The following KAT2B variants were observed in gnomAD, a reference collection of about 807,000 sequenced individuals.
KAT2B encodes histone acetyltransferase KAT2B.
Under a neutral mutation model 105.9 loss-of-function variants are expected in KAT2B, and 36 were observed. The ratio of observed to expected loss-of-function variants is 0.34; its 90% CI spans 0.26 to 0.45. The LOEUF (loss-of-function observed/expected upper bound fraction) is 0.45, where lower values mean the gene tolerates loss of function less well. Among genes scored for constraint, KAT2B ranks in the 20% least tolerant of loss-of-function variants. The pLI is 1.00. For synonymous variants in KAT2B, 397 were observed against 377.9 expected, an observed-to-expected ratio of 1.05 and a Z score of -0.59; for missense variants, 820 against 1,021.6, an observed-to-expected ratio of 0.80 and a Z score of 2.69.
intron 2 of KAT2B, among the ~76,000 whole-genome samples, chr3:20,073,961 AAC>A (rs1446341740): frequency 6.6e-6 from 1 of 152,222 alleles, no homozygotes; most frequent in African/African-American, 2.4e-5. Context: ...TAAGCACGTA[AAC>A]ACACATGAAT....
At position 20,048,067 on chromosome 3, in the gene KAT2B, G is replaced by A. The variant is rs528022648; in HGVS notation, c.303+7287G>A. Among the ~76,000 whole-genome samples, 12 of 152,296 alleles carry A rather than the reference G, an allele frequency of 7.9e-5. No individual in the cohort carries two copies. In the South Asian group the frequency reaches 2.5e-3, roughly 32 times the overall value. On this transcript the variant is annotated intron_variant, in intron 1 of 17. Coordinates refer to ENST00000263754, the MANE Select transcript of KAT2B (RefSeq NM_003884.5). ...CATGGAGGGAGGTGGATAAGATGTT[G>A]TTTTAAAAGATCAGTCTTTAGCCAC...
rs373545712 is a variant in KAT2B, at chr3:20,108,044, C to T, written c.852-3552C>T. On this transcript the variant is annotated intron_variant, in intron 5 of 17. Coordinates refer to ENST00000263754, the MANE Select transcript of KAT2B (RefSeq NM_003884.5). ...AGGCTGGTCTTGAATTCTTGACCTCCGGTAATCCACCTGCCTCAACTTCCC... is the reference window on the plus strand; with the variant it reads ...AGGCTGGTCTTGAATTCTTGACCTCTGGTAATCCACCTGCCTCAACTTCCC... 3.3e-3 allele frequency among the ~76,000 whole-genome samples: 503 copies of T among 151,966 alleles called. 4 individuals carry two copies. The highest frequency in any genetic ancestry group is 0.012 in the African/African-American group (487 of 41,448).
Position 20,128,495 on chromosome 3 carries a change from TG to T in KAT2B, c.1749+947del, listed in dbSNP as rs3840189. 3.9e-5 allele frequency among the ~76,000 whole-genome samples: 6 copies of T among 152,204 alleles called. No individual in the cohort carries two copies. In the East Asian group the frequency reaches 9.7e-4, roughly 25 times the overall value. Reference sequence around the variant, plus strand: ...GTTGGAGTGTCTTTTTGTTTTGTTTTGTTTTTTTTTGTTGCTAATTTATCTT... The same window carrying T: ...GTTGGAGTGTCTTTTTGTTTTGTTTTTTTTTTTTTGTTGCTAATTTATCTT... On this transcript the variant is annotated intron_variant, in intron 11 of 17. Coordinates refer to ENST00000263754, the MANE Select transcript of KAT2B (RefSeq NM_003884.5).
chr3:20,081,887 A>C (rs1268830194), intron 2 of KAT2B, among the ~76,000 whole-genome samples: 1 of 148,008 alleles, frequency 6.8e-6, no homozygotes, highest in Non-Finnish European at 1.5e-5. Context: ...TCATATATAT[A>C]TATGTATAAA....
At chr3:20,107,677 A>G (rs1257946312) in intron 5 of KAT2B, among the ~76,000 whole-genome samples, 1 of 150,566 alleles carries the variant, frequency 6.6e-6, no homozygotes, top group Non-Finnish European at 1.5e-5. Flanking sequence ...AAAAAACCAC[A>G]AAAACAAAAA....
At chr3:20,064,998 C>T (rs1559515595) in intron 1 of KAT2B, among the ~76,000 whole-genome samples, 1 of 152,204 alleles carries the variant, frequency 6.6e-6, no homozygotes, top group Non-Finnish European at 1.5e-5. Flanking sequence ...CTCTCCACCC[C>T]TTGTCTGTCT....
chr3:20,132,905 A>G (rs1460313086), intron 11 of KAT2B, among the ~76,000 whole-genome samples: 4 of 152,232 alleles, frequency 2.6e-5, no homozygotes, highest in Non-Finnish European at 5.9e-5. Context: ...TCTCTCTTGC[A>G]TCGACATCCG....
At chr3:20,097,199 A>G (rs1332088692) in intron 3 of KAT2B, among the ~76,000 whole-genome samples, 4 of 152,150 alleles carry the variant, frequency 2.6e-5, no homozygotes. Context: ...TTTGTCTTGG[A>G]ACTGTGCTCC....
chr3:20,071,617 A>T (rs1698324609), intron 1 of KAT2B, among the ~76,000 whole-genome samples: 1 of 152,144 alleles, frequency 6.6e-6, no homozygotes, highest in Non-Finnish European at 1.5e-5. Context: ...CATCATGTTC[A>T]CTCTTGGCTA....
At chr3:20,067,765 C>T (rs957461231) in intron 1 of KAT2B, among the ~76,000 whole-genome samples, 1 of 151,692 alleles carries the variant, frequency 6.6e-6, no homozygotes, top group East Asian at 1.9e-4. Context: ...ACCTCTGCCT[C>T]CCAGGTTCAA....
In KAT2B at chr3:20,125,888, T is replaced by G. The variant is rs778429289; in HGVS notation, c.1414-17T>G. On this transcript the variant is annotated splice_polypyrimidine_tract_variant and intron_variant, in intron 9 of 17. Coordinates refer to ENST00000263754, the MANE Select transcript of KAT2B (RefSeq NM_003884.5). Reference sequence around the variant, plus strand: ...AGAATAGCTCTGTGTAATTTTTTCCTGTCTCTTGCATCTCAGACCAATTTT... The same window carrying G: ...AGAATAGCTCTGTGTAATTTTTTCCGGTCTCTTGCATCTCAGACCAATTTT... The G allele has an allele frequency of 1.9e-6, 3 of 1,610,146 alleles. No individual in the cohort carries two copies. Among genetic ancestry groups the G allele is most frequent in the Non-Finnish European group, 2.5e-6 (3 of 1,177,668 alleles).
At chr3:20,098,964 A>T (rs1312588804) in intron 3 of KAT2B, among the ~76,000 whole-genome samples, 3 of 152,212 alleles carry the variant, frequency 2.0e-5, no homozygotes, top group Non-Finnish European at 2.9e-5. Context: ...TTTCTACTGA[A>T]AAGGCAGTAA....
At chr3:20,065,950 G>C (rs1169122023) in intron 1 of KAT2B, among the ~76,000 whole-genome samples, 1 of 152,088 alleles carries the variant, frequency 6.6e-6, no homozygotes, top group Non-Finnish European at 1.5e-5. Context: ...CTGTGTATTA[G>C]TTTCTTAGGC....
At chr3:20,127,590 G>T in intron 11 of KAT2B, 41 bp downstream of exon 11, 1 of 1,594,910 alleles carries the variant, frequency 6.3e-7, no homozygotes, top group Non-Finnish European at 8.6e-7. Flanking sequence ...AGCAGAATGT[G>T]GGGCTTCTCA....
Position 20,125,907 on chromosome 3 carries a change from C to G in KAT2B, c.1416C>G (p.Thr472=). 1 of 1,613,304 alleles carries G rather than the reference C, an allele frequency of 6.2e-7. No individual in the cohort carries two copies. The highest frequency in any genetic ancestry group is 8.5e-7 in the Non-Finnish European group (1 of 1,179,878). The change falls in exon 10 of 18, where the codon ACC becomes ACG. Residue 472 remains threonine, a splice_region_variant and synonymous_variant. Coordinates refer to ENST00000263754, the MANE Select transcript of KAT2B (RefSeq NM_003884.5). ...TTTTCCTGTCTCTTGCATCTCAGAC[C>G]AATTTTCTGTCAGCACACTCGGCCA... ...TDPAAMLGPE[T]NFLSAHSARD... is the part of the protein sequence containing the mutation.
chr3:20,075,654 A>G (rs546666371), intron 2 of KAT2B, among the ~76,000 whole-genome samples: 1 of 152,250 alleles, frequency 6.6e-6, no homozygotes, highest in Admixed American at 6.5e-5. Flanking sequence ...GGTTTAATAT[A>G]AAGGATACAC....
chr3:20,048,537 C>T (rs1234752942), intron 1 of KAT2B, among the ~76,000 whole-genome samples: 1 of 152,182 alleles, frequency 6.6e-6, no homozygotes, highest in Non-Finnish European at 1.5e-5. Flanking sequence ...TCTGATCCAT[C>T]ATGGTGACTA....
In KAT2B at chr3:20,143,830, T is replaced by C. The variant is rs148610011; in HGVS notation, c.2005-2486T>C. Among the ~76,000 whole-genome samples the C allele has an allele frequency of 1.7e-3, 252 of 152,234 alleles. 2 individuals are homozygous for C. The highest frequency in any genetic ancestry group is 5.6e-3 in the African/African-American group (232 of 41,550). On this transcript the variant is annotated intron_variant, in intron 13 of 17. Transcript: ENST00000263754. ...TTCTGTTATAAGTGGGAGCTGAACA[T>C]TGGGGATATATGCTCACAAAGATGG...
At chr3:20,071,477 A>G (rs1371243249) in intron 1 of KAT2B, among the ~76,000 whole-genome samples, 1 of 152,234 alleles carries the variant, frequency 6.6e-6, no homozygotes, top group Admixed American at 6.5e-5. Flanking sequence ...CATTGCAAGC[A>G]CAAATGAAAG....
Sources: allele counts gnomAD v4.1 joint callset (sites outside exome capture counted in the v4.1 genomes callset), GRCh38; gene constraint gnomAD v4.1.1; transcripts MANE v1.5; gene names NCBI Gene and HGNC (gene_info 2026-07-23, HGNC 2026-07-21).